FOXP2: variants seen among roughly 807,000 people sequenced by gnomAD.
The protein encoded by FOXP2 is forkhead box P2.
FOXP2 carries 12 observed loss-of-function variants against 115.8 expected under a neutral mutation model. That is an observed-to-expected ratio of 0.10 (90% CI 0.07 to 0.17). The LOEUF is 0.17. FOXP2 is among the 10% of genes least tolerant of loss of function. The pLI is 1.00. For synonymous variants in FOXP2, 328 were observed against 297.7 expected (o/e 1.10, Z -1.05); for missense variants, 629 against 843.5 (o/e 0.75, Z 3.15).
intron 2 of FOXP2, among the ~76,000 whole-genome samples, chr7:114,295,142 T>C (rs1181886295): frequency 6.6e-6 from 1 of 152,200 alleles, no homozygotes; most frequent in Non-Finnish European, 1.5e-5. Context: ...ATAGAAAATA[T>C]GGATTTTAAC....
chr7:114,603,884 C>G (rs1803165359), intron 3 of FOXP2, among the ~76,000 whole-genome samples: 1 of 152,142 alleles, frequency 6.6e-6, no homozygotes, highest in Admixed American at 6.5e-5. Flanking sequence ...AGCTTCACAG[C>G]ATGGTATTTT....
chr7:114,210,829 G>A (rs1462412636), intron 1 of FOXP2, among the ~76,000 whole-genome samples: 1 of 152,148 alleles, frequency 6.6e-6, no homozygotes, highest in African/African-American at 2.4e-5. Flanking sequence ...AGCTCTATCT[G>A]TAGGACCCTT....
At chr7:114,356,322 A>G (rs1273993686) in intron 2 of FOXP2, among the ~76,000 whole-genome samples, 1 of 152,186 alleles carries the variant, frequency 6.6e-6, no homozygotes, top group Non-Finnish European at 1.5e-5. Flanking sequence ...AATCTGGGAA[A>G]TGATTTCATG....
intron 1 of FOXP2, among the ~76,000 whole-genome samples, chr7:114,138,244 T>A (rs2129146551): frequency 6.6e-6 from 1 of 152,222 alleles, no homozygotes; most frequent in South Asian, 2.1e-4. Flanking sequence ...GAATACAGTA[T>A]GTCAAGAGGG....
At position 114,692,018 on chromosome 7, in the gene FOXP2, A is replaced by G. The variant is rs1254647423; in HGVS notation, c.*2092A>G. Reference sequence around the variant, plus strand: ...ACGTGAGAACGTCACAGTAACTGCTACTTTTCATTATGTTTGTCTTTGGGT... The same window carrying G: ...ACGTGAGAACGTCACAGTAACTGCTGCTTTTCATTATGTTTGTCTTTGGGT... On this transcript the variant is annotated 3_prime_UTR_variant, in exon 17 of 17. Transcript: ENST00000350908. The G allele has an allele frequency of 4.4e-6, 2 of 452,956 alleles. No individual in the cohort carries two copies. The highest frequency in any genetic ancestry group is 4.7e-5 in the Admixed American group (2 of 42,370). 28.1% of individuals were successfully genotyped at this position (452,956 alleles called of 1,614,324 possible).
intron 2 of FOXP2, among the ~76,000 whole-genome samples, chr7:114,389,712 T>A (rs188123672): frequency 6.6e-6 from 1 of 152,266 alleles, no homozygotes; most frequent in East Asian, 1.9e-4. Flanking sequence ...GAATAATGTA[T>A]TAACTTATTT....
chr7:114,517,555 T>C (rs948016891), intron 2 of FOXP2, among the ~76,000 whole-genome samples: 2 of 152,176 alleles, frequency 1.3e-5, no homozygotes, highest in African/African-American at 4.8e-5. Flanking sequence ...ATATATGCAG[T>C]TTCCCTGTAC....
At chr7:114,550,276 C>G (rs1188621702) in intron 3 of FOXP2, among the ~76,000 whole-genome samples, 1 of 151,898 alleles carries the variant, frequency 6.6e-6, no homozygotes, top group Non-Finnish European at 1.5e-5. Flanking sequence ...CTCCACCACG[C>G]CCGGCTAATT....
intron 1 of FOXP2, among the ~76,000 whole-genome samples, chr7:114,176,039 G>C (rs1328089715): frequency 6.6e-6 from 1 of 151,878 alleles, no homozygotes; most frequent in Admixed American, 6.6e-5. Flanking sequence ...GTGTTTATCT[G>C]TATTCTCACA....
chr7:114,267,435 T>A (rs1795920545), intron 1 of FOXP2, among the ~76,000 whole-genome samples: 1 of 152,064 alleles, frequency 6.6e-6, no homozygotes, highest in East Asian at 1.9e-4. Context: ...TTTTCAATTG[T>A]AGTAAAATAT....
At chr7:114,520,547 AT>A (rs1356599499) in intron 2 of FOXP2, among the ~76,000 whole-genome samples, 1 of 152,146 alleles carries the variant, frequency 6.6e-6, no homozygotes, top group African/African-American at 2.4e-5. Flanking sequence ...GATAGACTTA[AT>A]AAAGGAGTTA....
intron 3 of FOXP2, among the ~76,000 whole-genome samples, chr7:114,574,876 A>G (rs773480552): frequency 2.6e-5 from 4 of 151,904 alleles, no homozygotes; most frequent in Non-Finnish European, 4.4e-5. Context: ...AAACTTGCCT[A>G]GCCTTGGTAT....
intron 3 of FOXP2, among the ~76,000 whole-genome samples, chr7:114,572,445 G>C (rs535244574): frequency 6.6e-6 from 1 of 151,694 alleles, no homozygotes; most frequent in South Asian, 2.1e-4. Context: ...CTGATATGAT[G>C]TAATTAAGTT....
intron 2 of FOXP2, among the ~76,000 whole-genome samples, chr7:114,362,900 G>A (rs1026611667): frequency 3.9e-5 from 6 of 152,048 alleles, no homozygotes; most frequent in Non-Finnish European, 7.4e-5. Context: ...AATACTCAAA[G>A]ATTACTTGTT....
At chr7:114,328,948 A>G (rs1304915953) in intron 2 of FOXP2, among the ~76,000 whole-genome samples, 1 of 152,210 alleles carries the variant, frequency 6.6e-6, no homozygotes, top group Non-Finnish European at 1.5e-5. Flanking sequence ...GCTGATGACC[A>G]TGAAATAGAA....
intron 2 of FOXP2, among the ~76,000 whole-genome samples, chr7:114,305,365 T>C (rs1304317886): frequency 6.6e-6 from 1 of 152,328 alleles, no homozygotes; most frequent in East Asian, 1.9e-4. Flanking sequence ...AGTCTCCTTA[T>C]AACAGTAGTT....
rs564588575 is a variant in FOXP2 at position 114,189,424 on chromosome 7, T to C, written c.-102+26336T>C. 6.6e-5 allele frequency among the ~76,000 whole-genome samples: 10 copies of C among 152,274 alleles called. No individual in the cohort carries two copies. In the South Asian group the frequency reaches 1.9e-3, roughly 28 times the overall value. On this transcript the variant is annotated intron_variant, in intron 1 of 17. Transcript: ENST00000634411. ...ATGTATAGATTTAGATGGTAAACCT[T>C]TAAAATTATATGTGGAAATAAATCC...
intron 1 of FOXP2, among the ~76,000 whole-genome samples, chr7:114,203,781 C>T (rs1245769729): frequency 2.0e-5 from 3 of 152,186 alleles, no homozygotes; most frequent in African/African-American, 7.2e-5. Flanking sequence ...CAGTTGAGTA[C>T]ACTTTCCCTT....
intron 2 of FOXP2, among the ~76,000 whole-genome samples, chr7:114,474,987 T>C (rs563201869): frequency 6.6e-6 from 1 of 152,142 alleles, no homozygotes; most frequent in African/African-American, 2.4e-5. Flanking sequence ...AAGTAAAAGA[T>C]GTAGTAAATG....
Sources: allele counts gnomAD v4.1 joint callset (sites outside exome capture counted in the v4.1 genomes callset), GRCh38; gene constraint gnomAD v4.1.1; transcripts MANE v1.5; gene names NCBI Gene and HGNC (gene_info 2026-07-23, HGNC 2026-07-21).